The following PBRM1 variants were observed in gnomAD, a reference collection of about 807,000 sequenced individuals.
PBRM1 encodes the protein protein polybromo-1.
A neutral mutation model predicts 194.5 loss-of-function variants in PBRM1; 27 were observed. The ratio of observed to expected loss-of-function variants is 0.14; its 90% CI spans 0.10 to 0.19. The LOEUF (loss-of-function observed/expected upper bound fraction) is 0.19. Among genes scored for constraint, PBRM1 ranks in the 10% least tolerant of loss-of-function variants. The probability of loss-of-function intolerance (pLI) is 1.00; values close to 1 mark genes in which losing one functional copy is unlikely to be tolerated. For synonymous variants in PBRM1, 655 were observed against 693.2 expected (o/e 0.94, Z 0.87); for missense variants, 1,466 against 2,077.2 (o/e 0.71, Z 5.72).
intron 4 of PBRM1, among the ~76,000 whole-genome samples, chr3:52,658,652 A>C (rs559324469): frequency 3.3e-5 from 5 of 152,202 alleles, no homozygotes. Context: ...TCGGCCTCTC[A>C]AAGTGCTGGG....
intron 2 of PBRM1, among the ~76,000 whole-genome samples, chr3:52,676,728 C>T (rs560591582): frequency 2.6e-5 from 4 of 152,252 alleles, no homozygotes; most frequent in Non-Finnish European, 5.9e-5. Flanking sequence ...CAGAAGAAGA[C>T]AGGAAAATGT....
At chr3:52,566,065 AAAAC>A (rs2085121647) in intron 22 of PBRM1, among the ~76,000 whole-genome samples, 1 of 152,046 alleles carries the variant, frequency 6.6e-6, no homozygotes, top group African/African-American at 2.4e-5. Flanking sequence ...AAAACAAAAC[AAAAC>A]AAAAAAAACA....
intron 22 of PBRM1, among the ~76,000 whole-genome samples, 176 bp downstream of exon 24, chr3:52,576,365 T>C (rs1398196905): frequency 6.6e-6 from 1 of 152,204 alleles, no homozygotes; most frequent in African/African-American, 2.4e-5. Context: ...ATATTCTATA[T>C]ATTTATTTTT....
intron 13 of PBRM1, among the ~76,000 whole-genome samples, chr3:52,624,261 T>C (rs2095371552): frequency 6.6e-6 from 1 of 152,240 alleles, no homozygotes; most frequent in Non-Finnish European, 1.5e-5. Flanking sequence ...AATGTTCTCC[T>C]TTATAAACTG....
At chr3:52,651,480 T>A (rs1457857208) in intron 6 of PBRM1, among the ~76,000 whole-genome samples, 1 of 152,202 alleles carries the variant, frequency 6.6e-6, no homozygotes, top group Non-Finnish European at 1.5e-5. Flanking sequence ...AAATAAAAAA[T>A]TTAAAAATTA....
At position 52,605,679 on chromosome 3, in the gene PBRM1, T is replaced by C. The variant is rs528720827; in HGVS notation, c.2568-1947A>G. On this transcript the variant is annotated intron_variant, in intron 16 of 29. Transcript: ENST00000296302. ...GTACAGTGGTGCGGTCTCAGCTCAT[T>C]GCAACCTCTGCCTCCCAGGTTCAAG... Among the ~76,000 whole-genome samples the C allele has an allele frequency of 4.5e-4, 69 of 151,850 alleles. 4 individuals carry two copies. The South Asian group carries it at 0.014, about 31-fold the overall frequency.
chr3:52,558,549 C>T (rs2153459088), intron 25 of PBRM1, 136 bp from the exon 28 acceptor site: 1 of 704,226 alleles, frequency 1.4e-6, no homozygotes, highest in South Asian at 2.8e-5. Context: ...TGACTAGTCT[C>T]AACACAGGAG....
chr3:52,596,768 A>T (rs1424983201), intron 17 of PBRM1, among the ~76,000 whole-genome samples: 2 of 151,956 alleles, frequency 1.3e-5, no homozygotes, highest in Non-Finnish European at 2.9e-5. Flanking sequence ...AAGTGGAGGA[A>T]GATGACTTTT....
At chr3:52,629,004 A>C in exon 12 of PBRM1, 3 of 1,610,202 alleles carry the variant, frequency 1.9e-6, no homozygotes, top group Non-Finnish European at 2.5e-6. Context: ...AAATGATCTA[A>C]AGTTTCATAT....
chr3:52,640,684 C>G (rs1432661383), intron 10 of PBRM1, among the ~76,000 whole-genome samples: 2 of 152,144 alleles, frequency 1.3e-5, no homozygotes, highest in Non-Finnish European at 2.9e-5. Flanking sequence ...CTCTGTTGCC[C>G]AGGCTGGAGT....
intron 13 of PBRM1, among the ~76,000 whole-genome samples, chr3:52,618,726 C>T (rs894031001): frequency 2.0e-5 from 3 of 151,142 alleles, no homozygotes; most frequent in African/African-American, 7.3e-5. Flanking sequence ...TTCCAAGTAG[C>T]TGGGATTACA....
At chr3:52,668,347 GAATGTCCAGTC>G in intron 3 of PBRM1, 140 bp downstream of exon 4, 1 of 564,478 alleles carries the variant, frequency 1.8e-6, no homozygotes, top group East Asian at 3.4e-5. Flanking sequence ...AAAATCATAT[GAATGTCCAGTC>G]TCTTTACGAA....
intron 6 of PBRM1, 151 bp from the exon 8 acceptor site, chr3:52,648,593 CT>C (rs1488460931): frequency 1.1e-5 from 5 of 435,774 alleles, no homozygotes; most frequent in African/African-American, 1.0e-4. Flanking sequence ...AAGTCATTTT[CT>C]TTTTTATAAA....
At chr3:52,561,994 G>A (rs753527646) in intron 24 of PBRM1, 26 bp from the exon 27 acceptor site, 22 of 1,566,822 alleles carry the variant, frequency 1.4e-5, no homozygotes, top group Non-Finnish European at 1.9e-5. Flanking sequence ...GTCTTATGGT[G>A]CATCAAAACA....
intron 25 of PBRM1, among the ~76,000 whole-genome samples, chr3:52,559,183 T>C (rs550251010): frequency 2.9e-4 from 44 of 152,282 alleles, no homozygotes; most frequent in African/African-American, 9.9e-4. Flanking sequence ...TAAACCACCC[T>C]AAATCAATGA....
At chr3:52,576,825 G>A in intron 21 of PBRM1, 127 bp from the exon 24 acceptor site, 1 of 540,994 alleles carries the variant, frequency 1.8e-6, no homozygotes, top group Non-Finnish European at 3.1e-6. Flanking sequence ...TGGCTGTTTT[G>A]GTAAGACAAC....
At chr3:52,604,112 T>C (rs774402037) in intron 16 of PBRM1, among the ~76,000 whole-genome samples, 25 of 152,230 alleles carry the variant, frequency 1.6e-4, no homozygotes, top group Non-Finnish European at 3.2e-4. Context: ...ATCTATTCTT[T>C]GAATTTTTAC....
At chr3:52,632,952 G>C (rs191045397) in intron 11 of PBRM1, among the ~76,000 whole-genome samples, 1 of 152,146 alleles carries the variant, frequency 6.6e-6, no homozygotes, top group Admixed American at 6.6e-5. Flanking sequence ...CCAAATCACT[G>C]GCTAACCAAA....
intron 10 of PBRM1, among the ~76,000 whole-genome samples, chr3:52,638,946 T>A (rs976454897): frequency 1.4e-5 from 2 of 143,000 alleles, no homozygotes; most frequent in Non-Finnish European, 3.0e-5. Flanking sequence ...GTCATCTAAA[T>A]TTTTAAATAT....
Sources: allele counts gnomAD v4.1 joint callset (sites outside exome capture counted in the v4.1 genomes callset), GRCh38; gene constraint gnomAD v4.1.1; transcripts MANE v1.5; gene names NCBI Gene and HGNC (gene_info 2026-07-23, HGNC 2026-07-21).